Variants in PCDHA3 observed in about 807,000 individuals in gnomAD.
PCDHA3 encodes the protein protocadherin alpha 3.
PCDHA3 carries 41 observed loss-of-function variants against 62.2 expected under a neutral mutation model. The ratio of observed to expected loss-of-function variants is 0.66; its 90% CI spans 0.51 to 0.86. PCDHA3 has a LOEUF of 0.86. PCDHA3 is among the 40% of genes least tolerant of loss of function. The pLI is 0.00. For missense variants in PCDHA3, 1,304 were observed against 1,241.2 expected, an observed-to-expected ratio of 1.05 and a Z score of -0.76; for synonymous variants, 640 against 555.4, an observed-to-expected ratio of 1.15 and a Z score of -2.14.
intron 1 of PCDHA3, among the ~76,000 whole-genome samples, chr5:140,936,136 G>A (rs1393112473): frequency 2.0e-5 from 3 of 152,184 alleles, no homozygotes; most frequent in Admixed American, 1.3e-4. Context: ...TAAGTGATCT[G>A]CCCGCCTTGG....
intron 1 of PCDHA3, chr5:140,929,360 C>T (rs781864515): frequency 6.6e-7 from 1 of 1,519,748 alleles, no homozygotes; most frequent in Admixed American, 2.2e-5. Context: ...TTCCTTTGGC[C>T]CGGAGATGGC....
intron 1 of PCDHA3, chr5:140,843,801 C>T: frequency 7.6e-7 from 1 of 1,311,536 alleles, no homozygotes; most frequent in Non-Finnish European, 1.1e-6. Context: ...AGTTTTTCAC[C>T]GTATTTTATA....
intron 1 of PCDHA3, among the ~76,000 whole-genome samples, chr5:140,901,194 T>A (rs562699930): frequency 2.7e-4 from 41 of 152,236 alleles, no homozygotes; most frequent in Non-Finnish European, 5.1e-4. Flanking sequence ...TGCTTTTCTG[T>A]GCAGAAGGTT....
intron 1 of PCDHA3, chr5:140,882,232 T>C: frequency 1.9e-6 from 3 of 1,575,806 alleles, no homozygotes; most frequent in African/African-American, 1.4e-5. Context: ...AGGCGTTGTA[T>C]ATATTGCAGA....
intron 1 of PCDHA3, among the ~76,000 whole-genome samples, chr5:140,827,755 T>C (rs1769388112): frequency 6.6e-6 from 1 of 152,232 alleles, no homozygotes; most frequent in African/African-American, 2.4e-5. Context: ...TCCCTTACTT[T>C]AAATTAATAA....
intron 1 of PCDHA3, chr5:140,863,107 G>A (rs1554157777): frequency 1.7e-6 from 1 of 582,652 alleles, no homozygotes; most frequent in Admixed American, 1.9e-5. Flanking sequence ...TACCCTGGAC[G>A]AGGCGAAAGC....
At chr5:141,000,899 C>T (rs1013993633) in intron 3 of PCDHA3, among the ~76,000 whole-genome samples, 18 of 151,966 alleles carry the variant, frequency 1.2e-4, no homozygotes, top group African/African-American at 2.7e-4. Flanking sequence ...CAGATATAGA[C>T]GCTGTCTCTA....
At chr5:140,933,338 G>T (rs2089065952) in intron 1 of PCDHA3, among the ~76,000 whole-genome samples, 1 of 151,926 alleles carries the variant, frequency 6.6e-6, no homozygotes, top group South Asian at 2.1e-4. Context: ...TGTAGAGAAA[G>T]ATAAACACTT....
chr5:140,953,607 G>A (rs1040886184), intron 1 of PCDHA3, among the ~76,000 whole-genome samples: 21 of 152,152 alleles, frequency 1.4e-4, no homozygotes, highest in African/African-American at 4.8e-4. Flanking sequence ...ATTCCCCAGA[G>A]TCCTTAGATA....
At chr5:140,809,026 G>C in intron 1 of PCDHA3, 1 of 1,613,446 alleles carries the variant, frequency 6.2e-7, no homozygotes, top group Non-Finnish European at 8.5e-7. Flanking sequence ...AGCTGCAGCC[G>C]GGGACTGGTG....
chr5:140,979,329 C>T (rs782808442), intron 2 of PCDHA3, among the ~76,000 whole-genome samples: 3 of 152,162 alleles, frequency 2.0e-5, no homozygotes, highest in Non-Finnish European at 2.9e-5. Flanking sequence ...TTCTTTTCCT[C>T]CTTTAAAAAC....
intron 1 of PCDHA3, chr5:140,823,247 A>G: frequency 6.2e-7 from 1 of 1,613,366 alleles, no homozygotes; most frequent in Non-Finnish European, 8.5e-7. Context: ...CTGGTGTCCT[A>G]CTCGCTGGTG....
At chr5:140,915,683 G>A (rs1052949485) in intron 1 of PCDHA3, among the ~76,000 whole-genome samples, 1 of 150,776 alleles carries the variant, frequency 6.6e-6, no homozygotes, top group African/African-American at 2.4e-5. Context: ...TTGAACTAGG[G>A]GTATGGTGAT....
At chr5:140,825,330 A>G (rs1431095392) in intron 1 of PCDHA3, 1 of 146,462 alleles carries the variant, frequency 6.8e-6, no homozygotes. Context: ...GGAAATTTGC[A>G]TATTTTTCAA....
chr5:140,859,468 C>T, intron 1 of PCDHA3: 1 of 211,932 alleles, frequency 4.7e-6, no homozygotes, highest in Non-Finnish European at 9.2e-6. Flanking sequence ...ACTACACTAT[C>T]AATTGTGTTT....
intron 1 of PCDHA3, chr5:140,810,526 G>C (rs1554125506): frequency 6.6e-6 from 1 of 152,110 alleles, no homozygotes; most frequent in Non-Finnish European, 1.5e-5. Flanking sequence ...ATTTTACTGG[G>C]TGACTTTTGT....
Position 141,011,633 on chromosome 5 carries a change from G to C in PCDHA3, c.*1696G>C, listed in dbSNP as rs988824031. On this transcript the variant is annotated 3_prime_UTR_variant, in exon 4 of 4. Coordinates refer to ENST00000522353, the MANE Select transcript of PCDHA3 (RefSeq NM_018906.3). ...TTATGGTCCAGCCAAGAGCCATCTC[G>C]TGCCAAGACTTCTGCTGGCAAGGGA... 6.5e-6 allele frequency: 1 copy of C among 153,624 alleles called. No homozygotes were observed. Among genetic ancestry groups the C allele is most frequent in the Non-Finnish European group, 1.5e-5 (1 of 68,022 alleles). 9.5% of individuals were successfully genotyped at this position (153,624 alleles called of 1,614,324 possible). A position where few individuals can be genotyped will look rare whatever the true frequency, so the allele number is the denominator to read the frequency against.
chr5:140,855,571 T>G (rs2043521120), intron 1 of PCDHA3, among the ~76,000 whole-genome samples: 1 of 149,810 alleles, frequency 6.7e-6, no homozygotes, highest in Non-Finnish European at 1.5e-5. Context: ...AAAGTTGTCA[T>G]TTAATAAAAT....
chr5:140,967,565 C>A, intron 1 of PCDHA3: 1 of 1,614,080 alleles, frequency 6.2e-7, no homozygotes, highest in Non-Finnish European at 8.5e-7. Context: ...CGTCCAGCTA[C>A]GGGAGGACTC....
Sources: gnomAD v4.1 joint callset for allele counts (sites outside exome capture counted in the v4.1 genomes callset) on GRCh38, gnomAD v4.1.1 for gene constraint, MANE v1.5 for transcripts, NCBI Gene and HGNC (gene_info 2026-07-23, HGNC 2026-07-21) for gene names.